The following INPP4B variants were observed in gnomAD, a reference collection of about 807,000 sequenced individuals.
INPP4B encodes the protein inositol polyphosphate 4-phosphatase type II.
INPP4B carries 55 observed loss-of-function variants against 122.5 expected under a neutral mutation model. The observed-to-expected ratio is 0.45, with a 90% confidence interval of 0.36 to 0.56. The LOEUF is 0.56. Ranked by LOEUF, INPP4B falls within the 20% of genes least tolerant of loss-of-function variation. The probability of loss-of-function intolerance (pLI) is 0.00; values close to 1 mark genes in which losing one functional copy is unlikely to be tolerated. For missense variants in INPP4B, 1,000 were observed against 1,097.7 expected (o/e 0.91, Z 1.26); for synonymous variants, 403 against 388.7 (o/e 1.04, Z -0.43).
At chr4:142,662,381 C>T (rs1235920273) in intron 2 of INPP4B, among the ~76,000 whole-genome samples, 1 of 152,132 alleles carries the variant, frequency 6.6e-6, no homozygotes, top group African/African-American at 2.4e-5. Context: ...CCTATATTAC[C>T]TTTGAGGTAG....
Position 142,795,248 on chromosome 4 carries a change from A to C in INPP4B, c.-254+50961T>G, listed in dbSNP as rs549983460. On this transcript the variant is annotated intron_variant, in intron 1 of 25. Transcript: ENST00000262992. The stretch of plus-strand genomic sequence containing the variant: ...AAAAAGATATTCTTTAGGATAAAGA[A>C]ATACAGATAAACTCTAAAGAAAAAG... The C allele has an allele frequency of 2.0e-5, 3 of 152,174 alleles. No individual in the cohort carries two copies. The South Asian group carries it at 6.2e-4, about 32-fold the overall frequency. The allele number at this position is 152,174 out of a possible 1,614,324, so 9.4% of individuals were successfully genotyped here. A position where few individuals can be genotyped will look rare whatever the true frequency, so the allele number is the denominator to read the frequency against.
chr4:142,200,863 C>T (rs188681781), intron 14 of INPP4B, among the ~76,000 whole-genome samples: 23 of 152,092 alleles, frequency 1.5e-4, no homozygotes, highest in African/African-American at 5.5e-4. Flanking sequence ...AGCATCTTAT[C>T]TAAATTCTAG....
At chr4:142,049,573 A>G (rs1173708725) in intron 25 of INPP4B, among the ~76,000 whole-genome samples, 3 of 152,024 alleles carry the variant, frequency 2.0e-5, no homozygotes, top group Non-Finnish European at 4.4e-5. Flanking sequence ...TGTATAGGTT[A>G]AGCGGACTGG....
At chr4:142,750,088 C>A (rs768683416) in intron 1 of INPP4B, among the ~76,000 whole-genome samples, 41 of 151,880 alleles carry the variant, frequency 2.7e-4, no homozygotes, top group Non-Finnish European at 4.3e-4. Context: ...TAACTTGACT[C>A]TTCAAGAGAT....
At chr4:142,766,578 C>T (rs112626878) in intron 1 of INPP4B, among the ~76,000 whole-genome samples, 3,796 of 152,110 alleles carry the variant, frequency 0.025, 71 homozygotes, top group Non-Finnish European at 0.041. Flanking sequence ...ACCATGTTGG[C>T]CAGGCTGGTC....
intron 20 of INPP4B, among the ~76,000 whole-genome samples, chr4:142,122,595 A>G (rs1240457191): frequency 2.0e-5 from 3 of 152,116 alleles, no homozygotes; most frequent in Non-Finnish European, 2.9e-5. Context: ...TGAATTTATC[A>G]TCACTGACCC....
chr4:142,414,681 G>A (rs896839912), intron 5 of INPP4B, among the ~76,000 whole-genome samples: 8 of 152,126 alleles, frequency 5.3e-5, no homozygotes, highest in East Asian at 1.9e-4. Context: ...TTACCTAGGT[G>A]GCTGAGACTC....
At chr4:142,206,446 A>C (rs913345041) in intron 14 of INPP4B, among the ~76,000 whole-genome samples, 2 of 151,882 alleles carry the variant, frequency 1.3e-5, no homozygotes, top group Non-Finnish European at 2.9e-5. Flanking sequence ...CACCAAATAT[A>C]ATAACATAAT....
chr4:142,106,401 G>A (rs535569263), intron 23 of INPP4B, among the ~76,000 whole-genome samples: 29 of 152,068 alleles, frequency 1.9e-4, no homozygotes, highest in Non-Finnish European at 2.2e-4. Flanking sequence ...ACCCCTCAGC[G>A]TCCTGAGTAG....
At chr4:142,429,076 T>C in intron 5 of INPP4B, 97 bp downstream of exon 5, 1 of 599,218 alleles carries the variant, frequency 1.7e-6, no homozygotes, top group Non-Finnish European at 3.0e-6. Flanking sequence ...CATAAAAATT[T>C]GTCAAATATG....
chr4:142,551,517 CT>C, intron 2 of INPP4B, among the ~76,000 whole-genome samples: 1 of 152,174 alleles, frequency 6.6e-6, no homozygotes, highest in Non-Finnish European at 1.5e-5. Flanking sequence ...AAATGTTTTA[CT>C]ATTAAACTGT....
chr4:142,235,479 T>C (rs983520429), intron 12 of INPP4B, among the ~76,000 whole-genome samples: 4 of 152,178 alleles, frequency 2.6e-5, no homozygotes, highest in Non-Finnish European at 5.9e-5. Flanking sequence ...TGGAGTGCAG[T>C]GGCGCGATCT....
intron 7 of INPP4B, among the ~76,000 whole-genome samples, chr4:142,397,928 G>A (rs1799883062): frequency 6.6e-6 from 1 of 151,990 alleles, no homozygotes; most frequent in South Asian, 2.1e-4. Flanking sequence ...ATAAAAGTGA[G>A]AGAAATCCTA....
chr4:142,208,332 G>T, intron 14 of INPP4B, 93 bp downstream of exon 14: 1 of 555,494 alleles, frequency 1.8e-6, no homozygotes, highest in Non-Finnish European at 3.1e-6. Context: ...TTATATAATT[G>T]TTAAACTTTT....
intron 1 of INPP4B, among the ~76,000 whole-genome samples, chr4:142,788,672 C>G (rs190453460): frequency 6.6e-6 from 1 of 151,996 alleles, no homozygotes; most frequent in Non-Finnish European, 1.5e-5. Context: ...CTTGTTCCCT[C>G]GCATGCTCAT....
At chr4:142,415,920 G>A (rs1238129957) in intron 5 of INPP4B, among the ~76,000 whole-genome samples, 5 of 151,356 alleles carry the variant, frequency 3.3e-5, no homozygotes, top group South Asian at 2.1e-4. Flanking sequence ...ACCGAACACC[G>A]CATGTTCTCA....
chr4:142,202,550 G>A (rs1212140416), intron 14 of INPP4B, among the ~76,000 whole-genome samples: 1 of 152,038 alleles, frequency 6.6e-6, no homozygotes, highest in Non-Finnish European at 1.5e-5. Context: ...AAATCAGAGA[G>A]CTCTAGAAGC....
chr4:142,679,728 A>G (rs1434892238), intron 2 of INPP4B, among the ~76,000 whole-genome samples: 1 of 151,796 alleles, frequency 6.6e-6, no homozygotes, highest in Non-Finnish European at 1.5e-5. Flanking sequence ...CTTATCTAGC[A>G]GAGAGTACTC....
intron 8 of INPP4B, among the ~76,000 whole-genome samples, chr4:142,313,564 G>T (rs1766359931): frequency 1.3e-5 from 2 of 152,174 alleles, no homozygotes; most frequent in Non-Finnish European, 2.9e-5. Context: ...AGCCCAGGCT[G>T]ACAGAGGTCC....
Sources: gnomAD v4.1 joint callset for allele counts (sites outside exome capture counted in the v4.1 genomes callset) on GRCh38, gnomAD v4.1.1 for gene constraint, MANE v1.5 for transcripts, NCBI Gene and HGNC (gene_info 2026-07-23, HGNC 2026-07-21) for gene names.